Variants in MLLT10 observed in about 807,000 individuals in gnomAD.
MLLT10 encodes MLLT10 histone lysine methyltransferase DOT1L cofactor, also known as protein AF-10.
MLLT10 carries 30 observed loss-of-function variants against 129.1 expected under a neutral mutation model. The ratio of observed to expected loss-of-function variants is 0.23; its 90% CI spans 0.17 to 0.32. MLLT10 has a LOEUF of 0.32. Ranked by LOEUF, MLLT10 falls within the 10% of genes least tolerant of loss-of-function variation. The probability of loss-of-function intolerance (pLI) is 1.00; values close to 1 mark genes in which losing one functional copy is unlikely to be tolerated. For missense variants in MLLT10, 1,119 were observed against 1,268.3 expected, an observed-to-expected ratio of 0.88 and a Z score of 1.79; for synonymous variants, 490 against 446.4, an observed-to-expected ratio of 1.10 and a Z score of -1.23.
intron 3 of MLLT10, chr10:21,557,948 C>CTTTTTTTTTTTTTTT (rs945740582): frequency 2.9e-5 from 3 of 104,456 alleles, no homozygotes; most frequent in Admixed American, 9.8e-5. Flanking sequence ...TTTTTTTTTT[C>CTTTTTTTTTTTTTTT]TTTTTTTTTT....
At position 21,534,412 on chromosome 10, in the gene MLLT10, A is replaced by AGGAGGAGGAGGAGGC. The variant is rs2033402835; in HGVS notation, c.-100_-86dup. On this transcript the variant is annotated 5_prime_UTR_variant, in exon 1 of 23. Transcript: ENST00000307729. ...GTGGAGGTGGGGAGGGAAGACGCTG[A>AGGAGGAGGAGGAGGC]GGAGGAGGAGGAGGCGGAGGAGGCG... 1.0e-5 allele frequency: 3 copies of AGGAGGAGGAGGAGGC among 297,388 alleles called. No individual in the cohort carries two copies. The highest frequency in any genetic ancestry group is 1.9e-5 in the Non-Finnish European group (3 of 154,468). 18.4% of individuals were successfully genotyped at this position (297,388 alleles called of 1,614,324 possible).
intron 14 of MLLT10, among the ~76,000 whole-genome samples, chr10:21,720,907 G>A (rs2057083760): frequency 6.6e-6 from 1 of 152,144 alleles, no homozygotes; most frequent in African/African-American, 2.4e-5. Flanking sequence ...CTATGAGGTA[G>A]ATACTGTTGT....
intron 13 of MLLT10, among the ~76,000 whole-genome samples, chr10:21,684,091 A>G (rs1461216395): frequency 6.6e-6 from 1 of 151,998 alleles, no homozygotes; most frequent in South Asian, 2.1e-4. Flanking sequence ...GGTCATTGCA[A>G]CCTTCAACTC....
chr10:21,535,121 T>TGGGGGTGGGGGC lies in MLLT10; in HGVS notation c.160+322_160+323insTGGGGGCGGGGG, dbSNP rs1296067066. Among the ~76,000 whole-genome samples the TGGGGGTGGGGGC allele has an allele frequency of 4.2e-4, 36 of 85,336 alleles. No individual in the cohort carries two copies. In the East Asian group the frequency reaches 9.9e-3, roughly 23 times the overall value. The allele number at this position is 85,336 out of a possible 152,430, so 56.0% of individuals were successfully genotyped here. On this transcript the variant is annotated intron_variant, in intron 2 of 22. Coordinates refer to ENST00000307729, the MANE Select transcript of MLLT10 (RefSeq NM_001195626.3). ...CGCGCCCTCGAGATCTGGGCCGGGG[T>TGGGGGTGGGGGC]GGGGGCGGGGGCGGGGGCGGGGGCG...
At position 21,670,561 on chromosome 10, in the gene MLLT10, G is replaced by C. The variant is rs1564617953; in HGVS notation, c.908G>C (p.Ser303Thr). 1.2e-6 allele frequency: 2 copies of C among 1,614,126 alleles called. No individual in the cohort carries two copies. Among genetic ancestry groups the C allele is most frequent in the Middle Eastern group, 1.6e-4 (1 of 6,062 alleles). The change falls in exon 10 of 23, where the codon AGT (serine) becomes ACT (threonine). Residue 303 changes from serine (S) to threonine (T), a missense_variant. Physicochemically the swap from Ser to Thr is moderately conservative, Grantham distance 58. This residue lies in a region of MLLT10 where 1,004 missense variants were observed against 1,008.7 expected (regional missense o/e 1.00). Transcript: ENST00000307729. ...CAGGAAGTCTCTGCACACACCTCTAGTGGAAAAGATGTTTCAGAGACTAGA... is the reference window on the plus strand; with the variant it reads ...CAGGAAGTCTCTGCACACACCTCTACTGGAAAAGATGTTTCAGAGACTAGA... The part of the protein sequence containing the change: ...NFQEVSAHTS[S>T]GKDVSETRGS...
intron 13 of MLLT10, among the ~76,000 whole-genome samples, chr10:21,685,969 T>TA (rs1351455753): frequency 6.6e-6 from 1 of 151,992 alleles, no homozygotes; most frequent in Non-Finnish European, 1.5e-5. Context: ...ACCTAGAAAA[T>TA]ACTAGAGCAA....
rs2046447488 is a variant in MLLT10 at position 21,626,475 on chromosome 10, C to T, written c.699+9268C>T. Among the ~76,000 whole-genome samples, 4 of 152,166 alleles carry T rather than the reference C, an allele frequency of 2.6e-5. No individual in the cohort carries two copies. In the South Asian group the frequency reaches 8.3e-4, roughly 32 times the overall value. On this transcript the variant is annotated intron_variant, in intron 8 of 22. Transcript: ENST00000307729. ...CAAACATGAGAGGCAGCCTTCTAAT[C>T]TATTCCTGCAAGAATCAACCCAGCC...
At chr10:21,630,050 T>C (rs1460184703) in intron 8 of MLLT10, among the ~76,000 whole-genome samples, 1 of 152,112 alleles carries the variant, frequency 6.6e-6, no homozygotes, top group African/African-American at 2.4e-5. Context: ...TCTGTTTTGG[T>C]GGGGAAGAAA....
At chr10:21,724,614 T>C (rs2057352231) in intron 14 of MLLT10, among the ~76,000 whole-genome samples, 1 of 152,258 alleles carries the variant, frequency 6.6e-6, no homozygotes, top group African/African-American at 2.4e-5. Flanking sequence ...ACAATTCTAC[T>C]TTAACATTTG....
At chr10:21,653,318 T>G (rs1304071508) in intron 9 of MLLT10, among the ~76,000 whole-genome samples, 1 of 152,170 alleles carries the variant, frequency 6.6e-6, no homozygotes, top group African/African-American at 2.4e-5. Flanking sequence ...TTGGCAAAAT[T>G]TGGTTCCTTG....
intron 22 of MLLT10, among the ~76,000 whole-genome samples, chr10:21,740,919 T>G (rs185340521): frequency 6.6e-6 from 1 of 152,322 alleles, no homozygotes; most frequent in East Asian, 1.9e-4. Flanking sequence ...GGCAGAACCC[T>G]GTTAGAGGAA....
At chr10:21,712,688 G>A (rs2056212704) in intron 13 of MLLT10, among the ~76,000 whole-genome samples, 1 of 152,140 alleles carries the variant, frequency 6.6e-6, no homozygotes, top group South Asian at 2.1e-4. Flanking sequence ...TCTGGAGGCT[G>A]TCCTGTGCAT....
chr10:21,650,328 G>C (rs1366389330), intron 8 of MLLT10, among the ~76,000 whole-genome samples: 1 of 152,180 alleles, frequency 6.6e-6, no homozygotes, highest in Non-Finnish European at 1.5e-5. Flanking sequence ...TCCAGCCTGA[G>C]TGACACAGCG....
At chr10:21,604,103 A>G (rs1166626870) in intron 5 of MLLT10, among the ~76,000 whole-genome samples, 1 of 152,096 alleles carries the variant, frequency 6.6e-6, no homozygotes, top group Non-Finnish European at 1.5e-5. Flanking sequence ...GGACCCCCCA[A>G]AATTTATGTT....
chr10:21,639,912 A>G (rs1004808385), intron 8 of MLLT10, among the ~76,000 whole-genome samples: 5 of 151,936 alleles, frequency 3.3e-5, no homozygotes, highest in Admixed American at 1.3e-4. Context: ...TTGGGGAGAA[A>G]AAGGAGGGCA....
chr10:21,731,020 G>A lies in MLLT10; in HGVS notation c.2184G>A (p.Gln728=). Residue 728 remains glutamine, a synonymous_variant, in exon 17 of 23, where the codon CAG becomes CAA. Transcript: ENST00000307729. ...TGGAGAGGCAGTGGAGTGAAGGACA[G>A]CAATTTTTACTAGAACAGGGTACTC... The part of the protein sequence containing the change: ...QLLERQWSEG[Q]QFLLEQGTPS... 1 of 1,613,882 alleles carries A rather than the reference G, an allele frequency of 6.2e-7. No homozygotes were observed. Among genetic ancestry groups the A allele is most frequent in the Non-Finnish European group, 8.5e-7 (1 of 1,179,914 alleles).
rs970252231 is a variant in MLLT10 at position 21,649,224 on chromosome 10, C to T, written c.700-2449C>T. ...CTTAGTAGCTGGGACCACAGGTTTACACCACCACACTTGGCTAATTTTTTA... is the reference window on the plus strand; with the variant it reads ...CTTAGTAGCTGGGACCACAGGTTTATACCACCACACTTGGCTAATTTTTTA... On this transcript the variant is annotated intron_variant, in intron 8 of 22. Coordinates refer to ENST00000307729, the MANE Select transcript of MLLT10 (RefSeq NM_001195626.3). Among the ~76,000 whole-genome samples, 11 of 152,224 alleles carry T rather than the reference C, an allele frequency of 7.2e-5. 1 individual carries two copies. Among genetic ancestry groups the T allele is most frequent in the Admixed American group, 5.9e-4 (9 of 15,290 alleles).
intron 10 of MLLT10, 199 bp downstream of exon 10, chr10:21,670,903 T>C: frequency 1.9e-6 from 1 of 527,764 alleles, no homozygotes; most frequent in Non-Finnish European, 3.2e-6. Flanking sequence ...TCTTTCCTTT[T>C]ATAATATGAT....
At chr10:21,692,325 T>TATG (rs1474209967) in intron 13 of MLLT10, among the ~76,000 whole-genome samples, 19 of 144,764 alleles carry the variant, frequency 1.3e-4, no homozygotes, top group Non-Finnish European at 2.4e-4. Flanking sequence ...ATGGTTATAT[T>TATG]ATTATTATTA....
Sources: allele counts gnomAD v4.1 joint callset (sites outside exome capture counted in the v4.1 genomes callset), GRCh38; gene constraint gnomAD v4.1.1; regional missense constraint gnomAD v4.1.1; transcripts MANE v1.5; gene names NCBI Gene and HGNC (gene_info 2026-07-23, HGNC 2026-07-21).